The following PDIA5 variants were observed in gnomAD, a reference collection of about 807,000 sequenced individuals.
The protein encoded by PDIA5 is protein disulfide-isomerase A5.
Under a neutral mutation model 77.6 loss-of-function variants are expected in PDIA5, and 58 were observed. That is an observed-to-expected ratio of 0.75 (90% CI 0.61 to 0.93). The LOEUF (loss-of-function observed/expected upper bound fraction) is 0.93, where lower values mean the gene tolerates loss of function less well. Ranked by LOEUF, PDIA5 falls within the 40% of genes least tolerant of loss-of-function variation. The pLI is 0.00. For synonymous variants in PDIA5, 250 were observed against 252.1 expected (o/e 0.99, Z 0.08); for missense variants, 630 against 647.7 (o/e 0.97, Z 0.30).
chr3:123,143,235 A>ATC (rs1277103674), intron 11 of PDIA5, among the ~76,000 whole-genome samples: 2 of 151,932 alleles, frequency 1.3e-5, no homozygotes, highest in African/African-American at 2.4e-5. Flanking sequence ...AATACAAAAA[A>ATC]TTAGCTGGGC....
intron 1 of PDIA5, among the ~76,000 whole-genome samples, chr3:123,082,351 C>A (rs1934032619): frequency 6.6e-6 from 1 of 152,058 alleles, no homozygotes; most frequent in South Asian, 2.1e-4. Flanking sequence ...CTGTTACTTA[C>A]CTACTGTGTG....
At chr3:123,121,018 G>A (rs957437600) in intron 8 of PDIA5, among the ~76,000 whole-genome samples, 2 of 152,142 alleles carry the variant, frequency 1.3e-5, no homozygotes, top group African/African-American at 2.4e-5. Context: ...AGAAACCCTC[G>A]GGAGCTCTCC....
intron 1 of PDIA5, among the ~76,000 whole-genome samples, chr3:123,087,652 T>C (rs776328500): frequency 6.6e-6 from 1 of 152,224 alleles, no homozygotes; most frequent in Non-Finnish European, 1.5e-5. Context: ...TTCTTTTAAT[T>C]TTCTTTTTCT....
chr3:123,083,063 A>G (rs1003173677), intron 1 of PDIA5, among the ~76,000 whole-genome samples: 1 of 152,066 alleles, frequency 6.6e-6, no homozygotes, highest in African/African-American at 2.4e-5. Context: ...GAAGATGAGG[A>G]AGGACTCAGT....
At position 123,116,911 on chromosome 3, in the gene PDIA5, C is replaced by T. The variant is rs1323899954; in HGVS notation, c.609+613C>T. On this transcript the variant is annotated intron_variant, in intron 8 of 16. Coordinates refer to ENST00000316218, the MANE Select transcript of PDIA5 (RefSeq NM_006810.4). ...GAGACACATGTGTCCTAGGGATGCC[C>T]ACCTCTACAGGAGGAGGAAGAGGAG... 2.0e-5 allele frequency among the ~76,000 whole-genome samples: 3 copies of T among 150,928 alleles called. No individual in the cohort carries two copies. In the East Asian group the frequency reaches 5.9e-4, roughly 30 times the overall value.
intron 8 of PDIA5, among the ~76,000 whole-genome samples, chr3:123,118,348 A>G (rs1935039222): frequency 6.6e-6 from 1 of 152,244 alleles, no homozygotes; most frequent in Non-Finnish European, 1.5e-5. Flanking sequence ...AATTACCCAC[A>G]GTATTCTCTC....
chr3:123,087,573 AT>A, intron 1 of PDIA5, among the ~76,000 whole-genome samples: 1 of 151,496 alleles, frequency 6.6e-6, no homozygotes, highest in Non-Finnish European at 1.5e-5. Flanking sequence ...TCTTCATAAC[AT>A]TCTATTCTTA....
chr3:123,096,600 G>A (rs1560510160), intron 3 of PDIA5, among the ~76,000 whole-genome samples: 1 of 151,762 alleles, frequency 6.6e-6, no homozygotes, highest in Non-Finnish European at 1.5e-5. Context: ...TCCTTTATGT[G>A]CACCTATAGG....
At chr3:123,105,522 G>A (rs921025969) in intron 5 of PDIA5, among the ~76,000 whole-genome samples, 1 of 152,166 alleles carries the variant, frequency 6.6e-6, no homozygotes, top group Admixed American at 6.5e-5. Context: ...CTTTTGCCAG[G>A]AGGCGTTTCA....
chr3:123,112,922 G>A (rs551849968), intron 7 of PDIA5, among the ~76,000 whole-genome samples: 4 of 152,180 alleles, frequency 2.6e-5, no homozygotes, highest in African/African-American at 9.6e-5. Flanking sequence ...AGGCCTCCTC[G>A]CTGGCCCCAG....
chr3:123,101,906 C>CTTTTTTTTTTTTTTTTTTTTT lies in PDIA5; in HGVS notation c.258-504_258-484dup, dbSNP rs71623603. ...TCCCCTTCCTTTCCTTTCTTTCTTG[C>CTTTTTTTTTTTTTTTTTTTTT]TTTTTTTTTTTTTTTTTTTTTGAGA... On this transcript the variant is annotated intron_variant, in intron 3 of 16. Coordinates refer to ENST00000316218, the MANE Select transcript of PDIA5 (RefSeq NM_006810.4). 5.2e-4 allele frequency among the ~76,000 whole-genome samples: 37 copies of CTTTTTTTTTTTTTTTTTTTTT among 71,398 alleles called. 4 individuals carry two copies. The highest frequency in any genetic ancestry group is 1.4e-3 in the South Asian group (2 of 1,394). The allele number at this position is 71,398 out of a possible 152,430, so 46.8% of individuals were successfully genotyped here.
chr3:123,071,589 C>T (rs1320608217), intron 1 of PDIA5, among the ~76,000 whole-genome samples: 4 of 152,202 alleles, frequency 2.6e-5, no homozygotes, highest in African/African-American at 9.6e-5. Flanking sequence ...AAACACATTA[C>T]AGCGGAAGTC....
chr3:123,154,101 C>T (rs769504856), intron 14 of PDIA5, among the ~76,000 whole-genome samples: 5 of 152,198 alleles, frequency 3.3e-5, no homozygotes, highest in East Asian at 1.9e-4. Flanking sequence ...CTCCTGGGCT[C>T]ACCAGGACAG....
intron 3 of PDIA5, among the ~76,000 whole-genome samples, chr3:123,095,601 T>A (rs905962331): frequency 6.6e-6 from 1 of 151,976 alleles, no homozygotes; most frequent in African/African-American, 2.4e-5. Context: ...AATACAAAAT[T>A]AGCTGAGTGT....
At chr3:123,133,610 A>C (rs1300694721) in intron 11 of PDIA5, among the ~76,000 whole-genome samples, 3 of 152,220 alleles carry the variant, frequency 2.0e-5, no homozygotes, top group African/African-American at 7.2e-5. Context: ...CCCTGGATAC[A>C]TTGTGACTGT....
chr3:123,149,838 A>G (rs1574982), intron 13 of PDIA5, among the ~76,000 whole-genome samples: 43,383 of 152,026 alleles, frequency 0.29, 6,454 homozygotes, highest in East Asian at 0.47. Context: ...CCAGAACAGA[A>G]GCTGAGAACC....
chr3:123,115,788 A>G (rs1344262949), intron 7 of PDIA5, among the ~76,000 whole-genome samples: 3 of 152,206 alleles, frequency 2.0e-5, no homozygotes, highest in African/African-American at 7.2e-5. Flanking sequence ...GTGGTCACAC[A>G]TTTTTCTTCA....
chr3:123,097,543 G>C (rs1299573069), intron 3 of PDIA5, among the ~76,000 whole-genome samples: 1 of 152,104 alleles, frequency 6.6e-6, no homozygotes, highest in Non-Finnish European at 1.5e-5. Context: ...TGACCACCAC[G>C]ACCTGTCCAA....
chr3:123,088,345 T>C (rs1400524010), intron 1 of PDIA5, among the ~76,000 whole-genome samples: 1 of 152,092 alleles, frequency 6.6e-6, no homozygotes, highest in African/African-American at 2.4e-5. Flanking sequence ...TGGGGGAGAA[T>C]TGGCTCATTT....
Sources: gnomAD v4.1 joint callset for allele counts (sites outside exome capture counted in the v4.1 genomes callset) on GRCh38, gnomAD v4.1.1 for gene constraint, MANE v1.5 for transcripts, NCBI Gene and HGNC (gene_info 2026-07-23, HGNC 2026-07-21) for gene names.